Variants in MPPED2 observed in about 807,000 individuals in gnomAD.
MPPED2 encodes the protein metallophosphoesterase domain containing 2.
Under a neutral mutation model 33.0 loss-of-function variants are expected in MPPED2, and 5 were observed. The ratio of observed to expected loss-of-function variants is 0.15; its 90% CI spans 0.08 to 0.32. The LOEUF is 0.32. MPPED2 is among the 10% of genes least tolerant of loss of function. The pLI, the probability that MPPED2 is intolerant of heterozygous loss-of-function variation, is 1.00. For synonymous variants in MPPED2, 136 were observed against 141.9 expected (o/e 0.96, Z 0.29); for missense variants, 275 against 372.1 (o/e 0.74, Z 2.15).
intron 3 of MPPED2, among the ~76,000 whole-genome samples, chr11:30,499,627 C>T (rs1246151391): frequency 1.3e-5 from 2 of 152,086 alleles, no homozygotes; most frequent in South Asian, 2.1e-4. Flanking sequence ...TATATTTACC[C>T]ACTCCAAGAA....
chr11:30,530,279 T>C (rs1185282446), intron 3 of MPPED2, among the ~76,000 whole-genome samples: 5 of 152,166 alleles, frequency 3.3e-5, no homozygotes, highest in African/African-American at 9.7e-5. Context: ...ATTTTAAAGT[T>C]TGGCCAAAAG....
At chr11:30,584,569 CTT>C (rs1200937682) in intron 1 of MPPED2, 2 of 152,480 alleles carry the variant, frequency 1.3e-5, no homozygotes, top group Admixed American at 6.5e-5. Context: ...GGACGCCTAT[CTT>C]TTTTCTCTCC....
chr11:30,542,330 C>T (rs1453332368), intron 2 of MPPED2, among the ~76,000 whole-genome samples: 5 of 151,806 alleles, frequency 3.3e-5, no homozygotes, highest in African/African-American at 7.3e-5. Flanking sequence ...AAAATAAACA[C>T]GAGCCAGGTT....
At chr11:30,526,557 G>A (rs1954191128) in intron 3 of MPPED2, among the ~76,000 whole-genome samples, 2 of 152,098 alleles carry the variant, frequency 1.3e-5, no homozygotes, top group African/African-American at 2.4e-5. Context: ...TGACTCTAGG[G>A]AAACCTCTGG....
intron 2 of MPPED2, among the ~76,000 whole-genome samples, chr11:30,539,756 G>A (rs534177428): frequency 5.9e-5 from 9 of 152,212 alleles, no homozygotes; most frequent in Admixed American, 3.9e-4. Context: ...GAGTAGCTGG[G>A]GTTATGGGCA....
At chr11:30,429,299 C>T (rs1948977155) in intron 4 of MPPED2, 1 of 152,130 alleles carries the variant, frequency 6.6e-6, no homozygotes, top group African/African-American at 2.4e-5. Flanking sequence ...CATTTCTTGT[C>T]CCTGTGGCCT....
chr11:30,470,383 T>G (rs1044345080), intron 4 of MPPED2, among the ~76,000 whole-genome samples: 12 of 152,148 alleles, frequency 7.9e-5, no homozygotes, highest in Admixed American at 1.3e-4. Context: ...CTCAAACATA[T>G]AGAGACAAAA....
chr11:30,441,697 G>A (rs985597762), intron 4 of MPPED2, among the ~76,000 whole-genome samples: 7 of 152,052 alleles, frequency 4.6e-5, no homozygotes, highest in South Asian at 2.1e-4. Flanking sequence ...CTAAAGCTTC[G>A]GCCTCAGCTT....
intron 4 of MPPED2, among the ~76,000 whole-genome samples, chr11:30,476,853 G>A (rs890133781): frequency 1.3e-5 from 2 of 151,880 alleles, no homozygotes; most frequent in South Asian, 2.1e-4. Flanking sequence ...TGAGCAGTTC[G>A]CAAACATAAT....
intron 6 of MPPED2, among the ~76,000 whole-genome samples, chr11:30,398,393 G>A (rs548594095): frequency 1.6e-3 from 238 of 152,174 alleles, no homozygotes; most frequent in Non-Finnish European, 2.1e-3. Context: ...ACCTTACTGG[G>A]GTTACCGTTT....
At chr11:30,470,524 G>A (rs948563014) in intron 4 of MPPED2, among the ~76,000 whole-genome samples, 6 of 152,076 alleles carry the variant, frequency 3.9e-5, no homozygotes, top group South Asian at 2.1e-4. Context: ...AAAATTGACC[G>A]TGGTAATGAC....
intron 3 of MPPED2, among the ~76,000 whole-genome samples, chr11:30,523,649 C>T (rs1253155429): frequency 3.8e-5 from 4 of 105,188 alleles, no homozygotes; most frequent in Admixed American, 1.2e-4. Context: ...TTTTTTGAGA[C>T]GGAGTTTCGC....
At chr11:30,471,990 C>A (rs530468869) in intron 4 of MPPED2, among the ~76,000 whole-genome samples, 1 of 147,462 alleles carries the variant, frequency 6.8e-6, no homozygotes, top group Non-Finnish European at 1.5e-5. Context: ...AAAGTCAAAG[C>A]GTGATTCTTG....
downstream of MPPED2, among the ~76,000 whole-genome samples, chr11:30,384,211 T>C (rs1445956640): frequency 1.3e-5 from 2 of 152,206 alleles, no homozygotes; most frequent in African/African-American, 4.8e-5. Context: ...TTGATGTTAG[T>C]GCACAAGAAT....
chr11:30,482,268 C>T (rs746068225), intron 4 of MPPED2, among the ~76,000 whole-genome samples: 8 of 152,138 alleles, frequency 5.3e-5, no homozygotes, highest in Non-Finnish European at 8.8e-5. Context: ...TTTTATAATG[C>T]AATGATCCAT....
chr11:30,488,465 C>T (rs896129078), intron 4 of MPPED2, among the ~76,000 whole-genome samples: 8 of 152,188 alleles, frequency 5.3e-5, no homozygotes, highest in Non-Finnish European at 1.0e-4. Flanking sequence ...TAAAGGCACC[C>T]GGCAGGCTTT....
chr11:30,453,610 T>C (rs1215729809), intron 4 of MPPED2, among the ~76,000 whole-genome samples: 1 of 152,198 alleles, frequency 6.6e-6, no homozygotes, highest in Non-Finnish European at 1.5e-5. Flanking sequence ...ATTGGGGAAA[T>C]AACTGATTTT....
At chr11:30,493,584 A>G (rs1163820385) in intron 4 of MPPED2, among the ~76,000 whole-genome samples, 1 of 63,560 alleles carries the variant, frequency 1.6e-5, no homozygotes, top group East Asian at 4.2e-4. Flanking sequence ...GTTTTGCTCT[A>G]TATACACCCT....
At chr11:30,556,346 A>T (rs186788406) in intron 2 of MPPED2, among the ~76,000 whole-genome samples, 1 of 152,088 alleles carries the variant, frequency 6.6e-6, no homozygotes, top group Non-Finnish European at 1.5e-5. Context: ...GAATTCCTCC[A>T]TATTTGTTTC....
Sources: allele counts gnomAD v4.1 joint callset (sites outside exome capture counted in the v4.1 genomes callset), GRCh38; gene constraint gnomAD v4.1.1; transcripts MANE v1.5; gene names NCBI Gene and HGNC (gene_info 2026-07-23, HGNC 2026-07-21).